The following UGT2A2 variants were observed in gnomAD, a reference collection of about 807,000 sequenced individuals.
UGT2A2 encodes UDP-glucuronosyltransferase 2A2.
A neutral mutation model predicts 50.7 loss-of-function variants in UGT2A2; 60 were observed. The ratio of observed to expected loss-of-function variants is 1.18; its 90% CI spans 0.96 to 1.47. UGT2A2 has a LOEUF of 1.47. Among genes scored for constraint, UGT2A2 ranks in the 40% most tolerant of loss-of-function variants. The pLI is 0.00. For synonymous variants in UGT2A2, 242 were observed against 214.6 expected (o/e 1.13, Z -1.11); for missense variants, 762 against 634.0 (o/e 1.20, Z -2.17).
intron 1 of UGT2A2, among the ~76,000 whole-genome samples, chr4:69,623,474 C>T (rs1720871937): frequency 1.3e-5 from 2 of 151,538 alleles, no homozygotes; most frequent in African/African-American, 4.8e-5. Context: ...CTTGCCACTG[C>T]AGGAAACTGT....
chr4:69,626,554 G>T (rs1302242601), intron 1 of UGT2A2, among the ~76,000 whole-genome samples: 3 of 151,510 alleles, frequency 2.0e-5, no homozygotes, highest in Non-Finnish European at 3.0e-5. Flanking sequence ...TGGGTGATGG[G>T]ATTATTCATC....
intron 1 of UGT2A2, among the ~76,000 whole-genome samples, chr4:69,633,432 A>G (rs1721497272): frequency 1.3e-5 from 2 of 152,182 alleles, no homozygotes; most frequent in Non-Finnish European, 2.9e-5. Context: ...TGACCTGTCA[A>G]TTCCACTCTC....
At chr4:69,621,550 G>T (rs958440269) in intron 1 of UGT2A2, among the ~76,000 whole-genome samples, 1 of 151,762 alleles carries the variant, frequency 6.6e-6, no homozygotes, top group African/African-American at 2.4e-5. Context: ...TAAATGGTTG[G>T]TAGAAGGGTA....
At chr4:69,616,833 C>CTTTTTTTTT (rs4148315) in intron 1 of UGT2A2, among the ~76,000 whole-genome samples, 27 of 127,262 alleles carry the variant, frequency 2.1e-4, no homozygotes, top group South Asian at 5.0e-4. Context: ...ATTTTCTTTT[C>CTTTTTTTTT]TTTTTTTTTT....
chr4:69,619,191 A>G (rs955601319), intron 1 of UGT2A2, among the ~76,000 whole-genome samples: 13 of 151,864 alleles, frequency 8.6e-5, no homozygotes, highest in African/African-American at 3.1e-4. Flanking sequence ...TGAGCCCAGG[A>G]GTTTGAGATC....
chr4:69,596,674 A>G lies in UGT2A2; in HGVS notation c.892-293T>C, dbSNP rs137863846. On this transcript the variant is annotated intron_variant, in intron 2 of 5. Transcript: ENST00000604629. ...GTAACTGGGATTATAGTCTCATGCC[A>G]TCGTGTCTGGCTGAGTTTTGTATTT... 8.2e-4 allele frequency among the ~76,000 whole-genome samples: 125 copies of G among 152,228 alleles called. 1 individual carries two copies. In the East Asian group the frequency reaches 8.3e-3, roughly 10 times the overall value.
chr4:69,639,121 T>C lies in UGT2A2; in HGVS notation c.520A>G (p.Ile174Val), dbSNP rs750664666. The stretch of plus-strand genomic sequence containing the variant: ...AACCTCAATGTGTACATAAATGGAA[T>C]TCCTAATTTCAGAGCAACAAGATCA... ...CGDLVALKLGIPFMYTLRFSP... is the reference protein window; with the variant it reads ...CGDLVALKLGVPFMYTLRFSP... The change falls in exon 1 of 6, where the codon ATT becomes GTT. Residue 174 changes from isoleucine (I) to valine (V), a missense_variant. Transcript: ENST00000604629. 2 of 1,613,500 alleles carry C rather than the reference T, an allele frequency of 1.2e-6. No individual in the cohort carries two copies. Among genetic ancestry groups the C allele is most frequent in the African/African-American group, 2.7e-5 (2 of 74,890 alleles).
intron 1 of UGT2A2, among the ~76,000 whole-genome samples, chr4:69,638,186 G>C (rs945880105): frequency 6.6e-6 from 1 of 152,028 alleles, no homozygotes; most frequent in Non-Finnish European, 1.5e-5. Context: ...AGTGTCCCGA[G>C]TACTAAGAGA....
chr4:69,588,930 G>C lies in UGT2A2; in HGVS notation c.*442C>G, dbSNP rs972422746. Reference sequence around the variant, plus strand: ...CATAACACACTACTCTCCTACGGTGGCTCCCTGATTTGTTTGGTATATGGA... The same window carrying C: ...CATAACACACTACTCTCCTACGGTGCCTCCCTGATTTGTTTGGTATATGGA... On this transcript the variant is annotated 3_prime_UTR_variant, in exon 6 of 6. Transcript: ENST00000604629. The C allele has an allele frequency of 6.5e-6, 1 of 153,684 alleles. No homozygotes were observed. Among genetic ancestry groups the C allele is most frequent in the African/African-American group, 2.4e-5 (1 of 41,374 alleles). The allele number at this position is 153,684 out of a possible 1,614,324, so 9.5% of individuals were successfully genotyped here. A position where few individuals can be genotyped will look rare whatever the true frequency, so the allele number is the denominator to read the frequency against.
chr4:69,639,216 G>A lies in UGT2A2; in HGVS notation c.425C>T (p.Pro142Leu). ...TTTCTGAAGTCTTGCCATCAACTTTGGGTTCTTTAGTACACCATCACAGAG... is the reference window on the plus strand; with the variant it reads ...TTTCTGAAGTCTTGCCATCAACTTTAGGTTCTTTAGTACACCATCACAGAG... Reference protein sequence around the residue: ...IQLCDGVLKNPKLMARLQKGG... With the variant: ...IQLCDGVLKNLKLMARLQKGG... Residue 142 changes from proline to leucine, a missense_variant, in exon 1 of 6, where the codon CCA becomes CTA. Transcript: ENST00000604629. 2 of 1,613,612 alleles carry A rather than the reference G, an allele frequency of 1.2e-6. No homozygotes were observed. The highest frequency in any genetic ancestry group is 2.7e-5 in the African/African-American group (2 of 74,986).
intron 1 of UGT2A2, among the ~76,000 whole-genome samples, chr4:69,637,671 A>G (rs559520674): frequency 3.1e-4 from 47 of 152,220 alleles, no homozygotes; most frequent in African/African-American, 1.1e-3. Context: ...CTTTATTATT[A>G]CATAGCATAT....
At chr4:69,590,419 T>C (rs1718520961) in intron 5 of UGT2A2, among the ~76,000 whole-genome samples, 1 of 152,202 alleles carries the variant, frequency 6.6e-6, no homozygotes, top group Admixed American at 6.5e-5. Context: ...GCAGTTTCCC[T>C]AGTTGTTAAA....
At chr4:69,615,693 A>G (rs1577971854) in intron 1 of UGT2A2, among the ~76,000 whole-genome samples, 1 of 151,932 alleles carries the variant, frequency 6.6e-6, no homozygotes, top group South Asian at 2.1e-4. Flanking sequence ...AATGGCTTTT[A>G]CCACCCTGAC....
At chr4:69,601,250 G>A in intron 1 of UGT2A2, among the ~76,000 whole-genome samples, 1 of 152,056 alleles carries the variant, frequency 6.6e-6, no homozygotes, top group Non-Finnish European at 1.5e-5. Flanking sequence ...TCCTCACTGT[G>A]ACCACTACTC....
chr4:69,629,228 T>C (rs1279208829), intron 1 of UGT2A2, among the ~76,000 whole-genome samples: 1 of 152,062 alleles, frequency 6.6e-6, no homozygotes. Flanking sequence ...AGCCAGGTAA[T>C]ACAGTCAATA....
chr4:69,624,268 A>G (rs754305181), intron 1 of UGT2A2, among the ~76,000 whole-genome samples: 10 of 151,442 alleles, frequency 6.6e-5, no homozygotes, highest in Admixed American at 1.3e-4. Flanking sequence ...TGAAGGTCTA[A>G]TTTATCTAAT....
At chr4:69,599,451 G>T in intron 1 of UGT2A2, 57 bp from the exon 2 acceptor site, 1 of 1,572,608 alleles carries the variant, frequency 6.4e-7, no homozygotes, top group South Asian at 1.2e-5. Flanking sequence ...TTGCTGAGGA[G>T]AAAAAAAAGC....
chr4:69,632,189 G>C (rs1226958094), intron 1 of UGT2A2, among the ~76,000 whole-genome samples: 2 of 152,072 alleles, frequency 1.3e-5, no homozygotes, highest in African/African-American at 4.8e-5. Flanking sequence ...AAGGTTCAAG[G>C]TGTTTTGATA....
At chr4:69,635,484 G>T (rs1300663578) in intron 1 of UGT2A2, among the ~76,000 whole-genome samples, 2 of 152,150 alleles carry the variant, frequency 1.3e-5, no homozygotes, top group Non-Finnish European at 2.9e-5. Context: ...AAATTCTACA[G>T]TGAGAACTAT....
Sources: gnomAD v4.1 joint callset for allele counts (sites outside exome capture counted in the v4.1 genomes callset) on GRCh38, gnomAD v4.1.1 for gene constraint, MANE v1.5 for transcripts, NCBI Gene and HGNC (gene_info 2026-07-23, HGNC 2026-07-21) for gene names.